Variants in GRID2 observed in about 807,000 individuals in gnomAD.
The protein encoded by GRID2 is glutamate ionotropic receptor delta type subunit 2.
GRID2 carries 33 observed loss-of-function variants against 114.8 expected under a neutral mutation model. The ratio of observed to expected loss-of-function variants is 0.29; its 90% confidence interval spans 0.22 to 0.38. The LOEUF is 0.38. Ranked by LOEUF, GRID2 falls within the 10% of genes least tolerant of loss-of-function variation. GRID2 has a pLI of 1.00. For missense variants in GRID2, 1,184 were observed against 1,257.7 expected (o/e 0.94, Z 0.89); for synonymous variants, 505 against 449.9 (o/e 1.12, Z -1.55).
intron 14 of GRID2, among the ~76,000 whole-genome samples, chr4:93,632,393 A>G (rs1324938856): frequency 1.3e-5 from 2 of 152,196 alleles, no homozygotes; most frequent in South Asian, 2.1e-4. Context: ...GAATTTTTGT[A>G]TAAGGTGTAA....
intron 2 of GRID2, among the ~76,000 whole-genome samples, chr4:92,651,279 G>A (rs1731917732): frequency 6.6e-6 from 1 of 152,050 alleles, no homozygotes; most frequent in Admixed American, 6.5e-5. Flanking sequence ...TCTGGGGAAT[G>A]GTGCCACATC....
chr4:92,703,043 C>T (rs1026880706), intron 2 of GRID2, among the ~76,000 whole-genome samples: 1 of 152,078 alleles, frequency 6.6e-6, no homozygotes, highest in Non-Finnish European at 1.5e-5. Context: ...ATTGCCATGG[C>T]TGTGCATTCA....
intron 13 of GRID2, among the ~76,000 whole-genome samples, chr4:93,589,188 C>T (rs906733620): frequency 4.8e-5 from 7 of 146,130 alleles, no homozygotes; most frequent in Non-Finnish European, 9.0e-5. Flanking sequence ...TCTCCCAATG[C>T]TATCCCTCCC....
intron 11 of GRID2, among the ~76,000 whole-genome samples, chr4:93,470,970 G>A (rs1724749441): frequency 6.6e-6 from 1 of 151,946 alleles, no homozygotes; most frequent in Non-Finnish European, 1.5e-5. Context: ...CACAATGTTT[G>A]TTAGACGTGC....
chr4:93,561,834 C>T (rs1039053773), intron 13 of GRID2, among the ~76,000 whole-genome samples: 1 of 152,118 alleles, frequency 6.6e-6, no homozygotes, highest in Non-Finnish European at 1.5e-5. Context: ...TCTAAGTTTC[C>T]TCCATGTCTT....
At chr4:93,066,494 A>G (rs1333558704) in intron 2 of GRID2, among the ~76,000 whole-genome samples, 1 of 151,962 alleles carries the variant, frequency 6.6e-6, no homozygotes, top group Non-Finnish European at 1.5e-5. Flanking sequence ...TCCTCCTCTT[A>G]AATTAATACA....
intron 8 of GRID2, among the ~76,000 whole-genome samples, chr4:93,259,899 A>G (rs1456802091): frequency 6.6e-6 from 1 of 151,788 alleles, no homozygotes; most frequent in Non-Finnish European, 1.5e-5. Context: ...TGCCTTTGCT[A>G]TTAGTAAAGC....
chr4:92,804,615 A>G (rs933509285), intron 2 of GRID2, among the ~76,000 whole-genome samples: 1 of 152,004 alleles, frequency 6.6e-6, no homozygotes, highest in Non-Finnish European at 1.5e-5. Context: ...TGTTTTCTTG[A>G]TTAGTATTCT....
intron 14 of GRID2, among the ~76,000 whole-genome samples, chr4:93,750,681 G>C (rs112989210): frequency 1.3e-4 from 20 of 152,044 alleles, no homozygotes; most frequent in African/African-American, 4.8e-4. Flanking sequence ...GCGTGAACCC[G>C]GGAGGCAGAG....
At chr4:92,962,815 C>T (rs1752909865) in intron 2 of GRID2, among the ~76,000 whole-genome samples, 1 of 151,934 alleles carries the variant, frequency 6.6e-6, no homozygotes, top group Non-Finnish European at 1.5e-5. Flanking sequence ...TCATCAAATA[C>T]AGTTCAGGTT....
At chr4:92,614,683 A>T (rs1729918857) in intron 2 of GRID2, among the ~76,000 whole-genome samples, 1 of 151,634 alleles carries the variant, frequency 6.6e-6, no homozygotes, top group Non-Finnish European at 1.5e-5. Context: ...ATTTGCTATT[A>T]TTGGGTAGAG....
At chr4:93,767,886 G>T (rs781103207) in intron 14 of GRID2, among the ~76,000 whole-genome samples, 3 of 152,124 alleles carry the variant, frequency 2.0e-5, no homozygotes, top group Non-Finnish European at 4.4e-5. Context: ...TAAAAATTAT[G>T]CATTAAACTA....
chr4:93,085,301 A>G, intron 3 of GRID2, 22 bp downstream of exon 3: 1 of 1,568,986 alleles, frequency 6.4e-7, no homozygotes, highest in Non-Finnish European at 8.8e-7. Context: ...TAATTTGTTT[A>G]GGTTTTGTAA....
intron 1 of GRID2, among the ~76,000 whole-genome samples, chr4:92,509,529 C>T (rs1228344487): frequency 2.0e-5 from 3 of 151,812 alleles, no homozygotes; most frequent in African/African-American, 7.3e-5. Flanking sequence ...TCTCATGGAA[C>T]CTATGGGTTT....
chr4:93,310,340 TA>T (rs1755880563), intron 8 of GRID2, among the ~76,000 whole-genome samples: 1 of 151,902 alleles, frequency 6.6e-6, no homozygotes, highest in African/African-American at 2.4e-5. Context: ...GCCAACATGG[TA>T]AAACTCTGTC....
intron 14 of GRID2, among the ~76,000 whole-genome samples, chr4:93,754,305 T>C (rs1257964444): frequency 6.6e-6 from 1 of 152,172 alleles, no homozygotes; most frequent in African/African-American, 2.4e-5. Flanking sequence ...GTCCTCTTTT[T>C]TCATCACAAC....
intron 4 of GRID2, among the ~76,000 whole-genome samples, chr4:93,159,423 A>T (rs1737476664): frequency 6.6e-6 from 1 of 151,798 alleles, no homozygotes; most frequent in Non-Finnish European, 1.5e-5. Context: ...TCATTTGCTT[A>T]TATTGCAGAT....
chr4:93,669,471 C>T (rs547840720), intron 14 of GRID2, among the ~76,000 whole-genome samples: 6 of 148,526 alleles, frequency 4.0e-5, no homozygotes, highest in Middle Eastern at 3.2e-3. Context: ...TTTTGGAACC[C>T]TGCTGAAATT....
At position 92,811,732 on chromosome 4, in the gene GRID2, T is replaced by C. The variant is rs534514725; in HGVS notation, c.244+221446T>C. On this transcript the variant is annotated intron_variant, in intron 2 of 15. Transcript: ENST00000282020. ...ATATAATTTTATTGTGAGTAAAATATAAACAGTCGACAATTAAAGTAAAAT... is the reference window on the plus strand; with the variant it reads ...ATATAATTTTATTGTGAGTAAAATACAAACAGTCGACAATTAAAGTAAAAT... 2.5e-4 allele frequency among the ~76,000 whole-genome samples: 38 copies of C among 152,194 alleles called. No homozygotes were observed. The South Asian group carries it at 7.5e-3, about 30-fold the overall frequency.
Sources: gnomAD v4.1 joint callset for allele counts (sites outside exome capture counted in the v4.1 genomes callset) on GRCh38, gnomAD v4.1.1 for gene constraint, MANE v1.5 for transcripts, NCBI Gene and HGNC (gene_info 2026-07-23, HGNC 2026-07-21) for gene names.